GRIP1: variants seen among roughly 807,000 people sequenced by gnomAD.
The protein encoded by GRIP1 is glutamate receptor interacting protein 1.
GRIP1 carries 45 observed loss-of-function variants against 129.9 expected under a neutral mutation model. That is an observed-to-expected ratio of 0.35 (90% CI 0.27 to 0.44). GRIP1 has a LOEUF of 0.44. Ranked by LOEUF, GRIP1 falls within the 20% of genes least tolerant of loss-of-function variation. GRIP1 has a pLI of 1.00. For synonymous variants in GRIP1, 530 were observed against 520.8 expected (o/e 1.02, Z -0.24); for missense variants, 1,196 against 1,396.8 (o/e 0.86, Z 2.29).
intron 1 of GRIP1, among the ~76,000 whole-genome samples, chr12:67,034,474 C>A (rs1449662679): frequency 6.6e-6 from 1 of 152,050 alleles, no homozygotes; most frequent in African/African-American, 2.4e-5. Context: ...ATACTGTAAG[C>A]AACCATAACA....
chr12:66,855,064 T>C (rs956441364), intron 1 of GRIP1, among the ~76,000 whole-genome samples: 1 of 151,908 alleles, frequency 6.6e-6, no homozygotes, highest in African/African-American at 2.4e-5. Flanking sequence ...TTTATTGGCG[T>C]GTGTGAGGAG....
At chr12:66,758,042 T>A (rs183208262) in intron 1 of GRIP1, among the ~76,000 whole-genome samples, 19 of 152,032 alleles carry the variant, frequency 1.2e-4, no homozygotes, top group African/African-American at 4.1e-4. Flanking sequence ...ACAGAAAAAA[T>A]TACAAAATCT....
Position 66,444,659 on chromosome 12 carries a change from C to T in GRIP1, c.1612G>A (p.Glu538Lys), listed in dbSNP as rs369501964. ...TCTCGGAGGAGCTGACTGGCTTCTT[C>T]GAAGGTGCTGTCTTCTGTTGGAATT... ...NGIPTEDSTF[E>K]EASQLLRDSS... Residue 538 changes from glutamate (E) to lysine (K), a missense_variant, in exon 13 of 25, where the codon GAA becomes AAA. By Grantham distance (56) the Glu-to-Lys change is moderately conservative. Around this residue, in one of 5 missense-constraint regions of GRIP1, gnomAD observed 508 missense variants for 587.0 expected, o/e 0.87. Transcript: ENST00000359742. The T allele has an allele frequency of 5.6e-6, 9 of 1,613,862 alleles. No individual in the cohort carries two copies. The highest frequency in any genetic ancestry group is 3.3e-5 in the Admixed American group (2 of 59,976).
intron 7 of GRIP1, among the ~76,000 whole-genome samples, chr12:66,503,135 C>A (rs1260154756): frequency 6.6e-6 from 1 of 152,114 alleles, no homozygotes; most frequent in Non-Finnish European, 1.5e-5. Context: ...TAACTGAATG[C>A]AGACACCAGG....
intron 23 of GRIP1, among the ~76,000 whole-genome samples, chr12:66,355,393 CCGT>C (rs1214766522): frequency 6.6e-6 from 1 of 152,170 alleles, no homozygotes; most frequent in Non-Finnish European, 1.5e-5. Flanking sequence ...TATAACGATT[CCGT>C]AAGATGGGTA....
intron 1 of GRIP1, among the ~76,000 whole-genome samples, chr12:66,694,775 A>G (rs1465156101): frequency 6.6e-6 from 1 of 152,196 alleles, no homozygotes; most frequent in Non-Finnish European, 1.5e-5. Flanking sequence ...ATTATAAGTC[A>G]TTACTATTCC....
chr12:66,385,284 C>T (rs1807286831), intron 19 of GRIP1, among the ~76,000 whole-genome samples: 1 of 152,164 alleles, frequency 6.6e-6, no homozygotes, highest in African/African-American at 2.4e-5. Flanking sequence ...GCCTGCAATC[C>T]CAGCACTTTG....
At chr12:66,856,160 G>T (rs2039999523) in intron 1 of GRIP1, among the ~76,000 whole-genome samples, 1 of 152,012 alleles carries the variant, frequency 6.6e-6, no homozygotes, top group African/African-American at 2.4e-5. Flanking sequence ...GGGAAAACTG[G>T]CTAGCCATAT....
intron 1 of GRIP1, among the ~76,000 whole-genome samples, chr12:66,994,700 G>T (rs190662238): frequency 2.6e-5 from 4 of 152,032 alleles, no homozygotes; most frequent in Admixed American, 1.3e-4. Context: ...AATGAACAAA[G>T]ATCTAAAAAA....
chr12:66,396,193 A>G (rs2137552709), intron 16 of GRIP1, among the ~76,000 whole-genome samples: 1 of 152,180 alleles, frequency 6.6e-6, no homozygotes, highest in South Asian at 2.1e-4. Context: ...AAAGACCTTG[A>G]CCCCTTATTG....
At chr12:66,776,486 T>C (rs1193001799) in intron 1 of GRIP1, among the ~76,000 whole-genome samples, 1 of 152,188 alleles carries the variant, frequency 6.6e-6, no homozygotes, top group East Asian at 1.9e-4. Flanking sequence ...GACATAGGAT[T>C]ATATAGCATA....
intron 1 of GRIP1, among the ~76,000 whole-genome samples, chr12:66,719,118 G>C (rs12296327): frequency 0.012 from 1,790 of 152,112 alleles, 35 homozygotes; most frequent in African/African-American, 0.041. Context: ...TTACCATATA[G>C]AGGCAAAAAA....
chr12:66,886,482 C>T (rs2040568245), intron 1 of GRIP1, among the ~76,000 whole-genome samples: 1 of 152,162 alleles, frequency 6.6e-6, no homozygotes, highest in Non-Finnish European at 1.5e-5. Context: ...CATCTCTTCT[C>T]TCTCTGCAGT....
rs578239676 is a variant in GRIP1, at chr12:66,618,546, A to C, written c.56-21619T>G. Among the ~76,000 whole-genome samples, 3 of 152,224 alleles carry C rather than the reference A, an allele frequency of 2.0e-5. No homozygotes were observed. The East Asian group carries it at 5.8e-4, about 29-fold the overall frequency. On this transcript the variant is annotated intron_variant, in intron 1 of 24. Transcript: ENST00000359742. ...ATCTATTAAAAAAAAGTAAAAATAA[A>C]GCATGATTGATTAGGATGTCATAAT...
chr12:66,515,681 C>T lies in GRIP1; in HGVS notation c.662G>A (p.Ser221Asn). 4 of 1,613,550 alleles carry T rather than the reference C, an allele frequency of 2.5e-6. No homozygotes were observed. Among genetic ancestry groups the T allele is most frequent in the Non-Finnish European group, 3.4e-6 (4 of 1,179,516 alleles). Residue 221 changes from serine to asparagine, a missense_variant, in exon 7 of 25, where the codon AGT becomes AAT. Coordinates refer to ENST00000359742, the MANE Select transcript of GRIP1 (RefSeq NM_001366722.1). ...TTCTTGTCCACATTGTTTAAGAATA[C>T]TCATGGCTTCAGCATGCGTAGTTCC... Reference protein sequence around the residue: ...LLGTTHAEAMSILKQCGQEAA... With the variant: ...LLGTTHAEAMNILKQCGQEAA...
At chr12:66,627,625 C>T (rs1193577462) in intron 1 of GRIP1, among the ~76,000 whole-genome samples, 1 of 152,126 alleles carries the variant, frequency 6.6e-6, no homozygotes, top group African/African-American at 2.4e-5. Context: ...CAAGTCAGCC[C>T]CATGCCATTT....
At chr12:66,507,984 C>T (rs2060588528) in intron 7 of GRIP1, among the ~76,000 whole-genome samples, 1 of 152,074 alleles carries the variant, frequency 6.6e-6, no homozygotes, top group Admixed American at 6.6e-5. Flanking sequence ...TCTCAGTATC[C>T]TTGGTTTTGC....
chr12:66,577,696 T>G (rs2139569156), intron 2 of GRIP1, among the ~76,000 whole-genome samples: 1 of 152,302 alleles, frequency 6.6e-6, no homozygotes, highest in Non-Finnish European at 1.5e-5. Context: ...ACGCCTGTAA[T>G]TCCAGTACTT....
chr12:66,592,840 C>A (rs1457065683), intron 2 of GRIP1, among the ~76,000 whole-genome samples: 1 of 152,142 alleles, frequency 6.6e-6, no homozygotes, highest in Non-Finnish European at 1.5e-5. Context: ...CTTCATTTCA[C>A]CAGTAATCTG....
Sources: allele counts gnomAD v4.1 joint callset (sites outside exome capture counted in the v4.1 genomes callset), GRCh38; gene constraint gnomAD v4.1.1; regional missense constraint gnomAD v4.1.1; transcripts MANE v1.5; gene names NCBI Gene and HGNC (gene_info 2026-07-23, HGNC 2026-07-21).